The following IQCJ variants were observed in gnomAD, a reference collection of about 807,000 sequenced individuals.
IQCJ encodes the protein IQ domain-containing protein J.
IQCJ carries 9 observed loss-of-function variants against 11.0 expected under a neutral mutation model. The observed-to-expected ratio is 0.82, with a 90% confidence interval of 0.49 to 1.43. The LOEUF (loss-of-function observed/expected upper bound fraction) is 1.43. Ranked by LOEUF, IQCJ falls within the 40% of genes most tolerant of loss-of-function variation. The pLI is 0.00. For missense variants in IQCJ, 146 were observed against 133.2 expected, an observed-to-expected ratio of 1.10 and a Z score of -0.47; for synonymous variants, 55 against 51.3, an observed-to-expected ratio of 1.07 and a Z score of -0.31.
chr3:159,243,188 C>A (rs1247497031), intron 1 of IQCJ, among the ~76,000 whole-genome samples: 3 of 152,134 alleles, frequency 2.0e-5, no homozygotes, highest in African/African-American at 7.2e-5. Flanking sequence ...GTGGAAGTTT[C>A]TTTATAAGTT....
At chr3:159,165,210 C>G (rs1441962591) in intron 1 of IQCJ, among the ~76,000 whole-genome samples, 1 of 152,196 alleles carries the variant, frequency 6.6e-6, no homozygotes, top group East Asian at 1.9e-4. Flanking sequence ...GACACATACC[C>G]TAAGCTCAAT....
chr3:159,113,390 G>A lies in IQCJ; in HGVS notation c.9+43949G>A, dbSNP rs532530220. On this transcript the variant is annotated intron_variant, in intron 1 of 3. Coordinates refer to ENST00000397832, the MANE Select transcript of IQCJ (RefSeq NM_001042706.3). ...GGCCGTTTTTCTTTTGCTCAGCGTA[G>A]ACTGTAGATTTATCATCAGGACAGC... Among the ~76,000 whole-genome samples, 5 of 152,304 alleles carry A rather than the reference G, an allele frequency of 3.3e-5. No individual in the cohort carries two copies. In the East Asian group the frequency reaches 9.6e-4, roughly 29 times the overall value.
At chr3:159,122,299 A>G (rs182116908) in intron 1 of IQCJ, among the ~76,000 whole-genome samples, 15 of 152,310 alleles carry the variant, frequency 9.8e-5, no homozygotes, top group African/African-American at 3.6e-4. Flanking sequence ...GGACAAAAAT[A>G]TTCAGTTCAT....
At chr3:159,164,262 A>G (rs1722040668) in intron 1 of IQCJ, among the ~76,000 whole-genome samples, 1 of 152,200 alleles carries the variant, frequency 6.6e-6, no homozygotes, top group South Asian at 2.1e-4. Context: ...AGAAACTCTC[A>G]GGTTATACTT....
At chr3:159,128,568 C>G (rs1226099748) in intron 1 of IQCJ, among the ~76,000 whole-genome samples, 1 of 152,160 alleles carries the variant, frequency 6.6e-6, no homozygotes, top group East Asian at 1.9e-4. Context: ...TTTTGTAGTG[C>G]TGATACGCAT....
At chr3:159,162,609 C>G (rs965041136) in intron 1 of IQCJ, among the ~76,000 whole-genome samples, 1 of 152,066 alleles carries the variant, frequency 6.6e-6, no homozygotes, top group African/African-American at 2.4e-5. Flanking sequence ...ACAAAAAACC[C>G]TTCAAAAAAT....
At chr3:159,169,406 C>T (rs561412804) in intron 1 of IQCJ, among the ~76,000 whole-genome samples, 1 of 151,298 alleles carries the variant, frequency 6.6e-6, no homozygotes, top group South Asian at 2.1e-4. Flanking sequence ...CTCCCTCAGC[C>T]TCCTGAGTAG....
chr3:159,166,754 C>T (rs1297318465), intron 1 of IQCJ, among the ~76,000 whole-genome samples: 2 of 152,152 alleles, frequency 1.3e-5, no homozygotes, highest in Non-Finnish European at 2.9e-5. Context: ...TGAAGGATCC[C>T]TCTAATCAGC....
Position 159,089,983 on chromosome 3 carries a change from G to T in IQCJ, c.9+20542G>T, listed in dbSNP as rs571318861. Among the ~76,000 whole-genome samples the T allele has an allele frequency of 4.8e-4, 73 of 151,956 alleles. 5 individuals are homozygous for T. The highest frequency in any genetic ancestry group is 1.7e-3 in the African/African-American group (69 of 41,244). On this transcript the variant is annotated intron_variant, in intron 1 of 3. Coordinates refer to ENST00000397832, the MANE Select transcript of IQCJ (RefSeq NM_001042706.3). ...GTTGAGGAACTGCATTCCTTTGGAG[G>T]AGGAGAGGTGCTCTGCTTTTTAGAG...
At chr3:159,229,433 T>C (rs116717458) in intron 1 of IQCJ, among the ~76,000 whole-genome samples, 1,534 of 152,144 alleles carry the variant, frequency 0.01, 22 homozygotes, top group Non-Finnish European at 0.015. Context: ...AGCAACTCCT[T>C]TCCTTCGCTC....
intron 1 of IQCJ, among the ~76,000 whole-genome samples, chr3:159,130,468 A>T (rs764654876): frequency 3.3e-5 from 5 of 152,186 alleles, no homozygotes; most frequent in Non-Finnish European, 7.4e-5. Flanking sequence ...AATATTTGAC[A>T]TAGAGCAACT....
At chr3:159,161,611 T>G (rs1560008807) in intron 1 of IQCJ, among the ~76,000 whole-genome samples, 2 of 152,224 alleles carry the variant, frequency 1.3e-5, no homozygotes, top group South Asian at 4.1e-4. Context: ...TGCCCATGCC[T>G]ATGTCCAGAA....
chr3:159,088,742 C>G (rs1360681358), intron 1 of IQCJ, among the ~76,000 whole-genome samples: 2 of 149,758 alleles, frequency 1.3e-5, no homozygotes, highest in Admixed American at 1.3e-4. Context: ...GGATTGCAAC[C>G]CCTGCCTTTT....
At chr3:159,137,464 G>A (rs1022315361) in intron 1 of IQCJ, among the ~76,000 whole-genome samples, 8 of 152,092 alleles carry the variant, frequency 5.3e-5, no homozygotes, top group Non-Finnish European at 5.9e-5. Flanking sequence ...AATACTTAAA[G>A]ATCTGCCTTT....
intron 1 of IQCJ, among the ~76,000 whole-genome samples, chr3:159,136,267 A>G (rs1401388837): frequency 1.3e-5 from 2 of 152,218 alleles, no homozygotes; most frequent in African/African-American, 4.8e-5. Context: ...TATGTAGTAC[A>G]GTTCACAGAA....
intron 1 of IQCJ, among the ~76,000 whole-genome samples, chr3:159,107,513 A>C (rs1718339243): frequency 6.6e-6 from 1 of 152,222 alleles, no homozygotes; most frequent in Non-Finnish European, 1.5e-5. Context: ...AGGGGCTTAA[A>C]GCCTTTAAAT....
intron 1 of IQCJ, among the ~76,000 whole-genome samples, chr3:159,091,173 C>T (rs7653477): frequency 0.068 from 10,339 of 151,704 alleles, 1,423 homozygotes; most frequent in African/African-American, 0.24. Flanking sequence ...AGAAAGAATG[C>T]TCCTGGATGA....
intron 1 of IQCJ, among the ~76,000 whole-genome samples, chr3:159,193,160 G>A (rs1723786848): frequency 6.6e-6 from 1 of 152,238 alleles, no homozygotes; most frequent in South Asian, 2.1e-4. Context: ...TACCCTAGTA[G>A]ACACATGGTC....
At chr3:159,092,837 G>T (rs1400481335) in intron 1 of IQCJ, among the ~76,000 whole-genome samples, 4 of 151,230 alleles carry the variant, frequency 2.6e-5, no homozygotes, top group Non-Finnish European at 5.9e-5. Flanking sequence ...TGTCATGTAA[G>T]AGAATACTCT....
Sources: gnomAD v4.1 joint callset for allele counts (sites outside exome capture counted in the v4.1 genomes callset) on GRCh38, gnomAD v4.1.1 for gene constraint, MANE v1.5 for transcripts, NCBI Gene and HGNC (gene_info 2026-07-23, HGNC 2026-07-21) for gene names.